CTNNA3: variants seen among roughly 807,000 people sequenced by gnomAD.
CTNNA3 encodes catenin alpha-3.
A neutral mutation model predicts 95.7 loss-of-function variants in CTNNA3; 76 were observed. That is an observed-to-expected ratio of 0.79 (90% CI 0.66 to 0.96). The LOEUF is 0.96. CTNNA3 is among the 40% of genes least tolerant of loss of function. The pLI is 0.00. For missense variants in CTNNA3, 1,191 were observed against 1,089.8 expected (o/e 1.09, Z -1.31); for synonymous variants, 431 against 374.4 (o/e 1.15, Z -1.74).
At chr10:66,113,294 T>A (rs1320871546) in intron 13 of CTNNA3, among the ~76,000 whole-genome samples, 1 of 152,168 alleles carries the variant, frequency 6.6e-6, no homozygotes, top group Non-Finnish European at 1.5e-5. Context: ...TAGAAGTGTG[T>A]CAGTGGACCT....
At chr10:66,262,124 G>A (rs566634554) in intron 13 of CTNNA3, among the ~76,000 whole-genome samples, 37 of 151,952 alleles carry the variant, frequency 2.4e-4, no homozygotes, top group Non-Finnish European at 5.0e-4. Flanking sequence ...TTGGAGTCAG[G>A]AGACCTGAAT....
intron 6 of CTNNA3, among the ~76,000 whole-genome samples, chr10:67,202,858 C>T (rs2132215778): frequency 6.6e-6 from 1 of 152,034 alleles, no homozygotes; most frequent in East Asian, 1.9e-4. Context: ...AAAAAGGGAA[C>T]TCTGGACATA....
At chr10:66,182,400 C>T (rs1420128083) in intron 13 of CTNNA3, among the ~76,000 whole-genome samples, 8 of 152,022 alleles carry the variant, frequency 5.3e-5, no homozygotes, top group East Asian at 1.9e-4. Flanking sequence ...GGACTACAGG[C>T]GCCCGCCACC....
At chr10:66,015,794 TTAACACA>T (rs2079083983) in intron 15 of CTNNA3, among the ~76,000 whole-genome samples, 1 of 152,188 alleles carries the variant, frequency 6.6e-6, no homozygotes, top group Non-Finnish European at 1.5e-5. Flanking sequence ...TTCACCATAC[TTAACACA>T]TATAACACAC....
intron 13 of CTNNA3, among the ~76,000 whole-genome samples, chr10:66,232,173 G>A (rs2089620998): frequency 1.3e-5 from 2 of 152,046 alleles, no homozygotes; most frequent in South Asian, 4.1e-4. Flanking sequence ...CTTTGAGCAG[G>A]AACCCCAGAC....
chr10:66,805,863 C>T (rs1336153480), intron 7 of CTNNA3, among the ~76,000 whole-genome samples: 1 of 151,980 alleles, frequency 6.6e-6, no homozygotes, highest in Non-Finnish European at 1.5e-5. Flanking sequence ...TGAAATGTAA[C>T]AGGGACAGTG....
At chr10:66,957,429 CATAT>C (rs765398428) in intron 7 of CTNNA3, among the ~76,000 whole-genome samples, 1 of 27,234 alleles carries the variant, frequency 3.7e-5, no homozygotes, top group Admixed American at 3.5e-4. Context: ...TATATATATG[CATAT>C]ATATATATGC....
intron 6 of CTNNA3, 129 bp from the exon 7 acceptor site, chr10:67,180,649 G>A (rs112724476): frequency 0.021 from 14,782 of 709,472 alleles, 209 homozygotes; most frequent in Non-Finnish European, 0.026. Flanking sequence ...TTACTGCCTC[G>A]GCTGGTTCAC....
At chr10:66,661,016 T>C (rs992894602) in intron 9 of CTNNA3, among the ~76,000 whole-genome samples, 3 of 152,138 alleles carry the variant, frequency 2.0e-5, no homozygotes, top group Non-Finnish European at 4.4e-5. Flanking sequence ...TATTAAGTGC[T>C]CAGTACAGTG....
chr10:67,389,547 C>A (rs951911011), intron 5 of CTNNA3, among the ~76,000 whole-genome samples: 5 of 151,808 alleles, frequency 3.3e-5, no homozygotes, highest in African/African-American at 1.2e-4. Context: ...CTCAGCTCTG[C>A]ACCAAGCGGA....
chr10:67,695,586 T>C (rs1424202856), intron 1 of CTNNA3, among the ~76,000 whole-genome samples: 2 of 152,246 alleles, frequency 1.3e-5, no homozygotes, highest in African/African-American at 4.8e-5. Context: ...TTCCATTTAC[T>C]ATGAATTAGC....
chr10:66,407,069 C>T (rs778899079), intron 11 of CTNNA3, among the ~76,000 whole-genome samples: 10 of 151,962 alleles, frequency 6.6e-5, no homozygotes, highest in Non-Finnish European at 1.2e-4. Context: ...GCCTATCCTC[C>T]GACTTTCCAA....
At chr10:67,667,519 G>A (rs1230195603) in intron 1 of CTNNA3, among the ~76,000 whole-genome samples, 1 of 152,050 alleles carries the variant, frequency 6.6e-6, no homozygotes, top group African/African-American at 2.4e-5. Context: ...GCCACTAATG[G>A]CACATCCTCT....
chr10:67,559,814 C>T (rs575116234), intron 3 of CTNNA3, among the ~76,000 whole-genome samples: 18 of 151,998 alleles, frequency 1.2e-4, no homozygotes, highest in Non-Finnish European at 1.9e-4. Context: ...AGCTGAAAAC[C>T]AAGGTTCGAG....
At chr10:65,942,072 A>G (rs2077439283) in intron 17 of CTNNA3, among the ~76,000 whole-genome samples, 1 of 152,200 alleles carries the variant, frequency 6.6e-6, no homozygotes, top group Non-Finnish European at 1.5e-5. Flanking sequence ...TACTCAAAGG[A>G]GTACATTTTA....
At chr10:67,681,565 T>C (rs951133745) in intron 1 of CTNNA3, among the ~76,000 whole-genome samples, 10 of 152,090 alleles carry the variant, frequency 6.6e-5, no homozygotes, top group Admixed American at 5.2e-4. Context: ...AGTATGAATA[T>C]ATAAGTTTAT....
intron 15 of CTNNA3, among the ~76,000 whole-genome samples, chr10:66,016,679 T>C (rs1343093578): frequency 2.0e-5 from 3 of 152,188 alleles, no homozygotes; most frequent in African/African-American, 7.2e-5. Flanking sequence ...AAAGCTACTT[T>C]CTGACCTCAG....
chr10:66,659,632 G>A (rs1214415706), intron 9 of CTNNA3, among the ~76,000 whole-genome samples: 1 of 152,126 alleles, frequency 6.6e-6, no homozygotes, highest in Non-Finnish European at 1.5e-5. Flanking sequence ...CCTTTGGGAG[G>A]TGGATGGTTA....
At chr10:66,614,594 T>C (rs562959397) in intron 10 of CTNNA3, among the ~76,000 whole-genome samples, 12 of 152,124 alleles carry the variant, frequency 7.9e-5, no homozygotes, top group African/African-American at 2.9e-4. Context: ...TTTTAGAAAT[T>C]ACAGATTTTC....
Sources: gnomAD v4.1 joint callset for allele counts (sites outside exome capture counted in the v4.1 genomes callset) on GRCh38, gnomAD v4.1.1 for gene constraint, MANE v1.5 for transcripts, NCBI Gene and HGNC (gene_info 2026-07-23, HGNC 2026-07-21) for gene names.